The following NCOA2 variants were observed in gnomAD, a reference collection of about 807,000 sequenced individuals.
The protein encoded by NCOA2 is class E basic helix-loop-helix protein 75.
In NCOA2, 21 loss-of-function variants were observed where a neutral mutation model predicts 145.1. That is an observed-to-expected ratio of 0.14 (90% CI 0.10 to 0.21). The LOEUF is 0.21. Among genes scored for constraint, NCOA2 ranks in the 10% least tolerant of loss-of-function variants. The pLI, the probability that NCOA2 is intolerant of heterozygous loss-of-function variation, is 1.00. For synonymous variants in NCOA2, 619 were observed against 637.5 expected (o/e 0.97, Z 0.44); for missense variants, 1,472 against 1,837.6 (o/e 0.80, Z 3.64).
chr8:70,394,101 C>T (rs1813446939), intron 1 of NCOA2, among the ~76,000 whole-genome samples: 1 of 152,236 alleles, frequency 6.6e-6, no homozygotes, highest in African/African-American at 2.4e-5. Context: ...CACTAGGTTT[C>T]ATGACGTACT....
intron 1 of NCOA2, among the ~76,000 whole-genome samples, chr8:70,333,525 C>T (rs978781552): frequency 2.2e-4 from 34 of 152,332 alleles, no homozygotes; most frequent in African/African-American, 7.7e-4. Context: ...CTCTTTCACA[C>T]TCTGTTGGGC....
At chr8:70,381,545 G>A (rs1473737406) in intron 1 of NCOA2, among the ~76,000 whole-genome samples, 1 of 152,140 alleles carries the variant, frequency 6.6e-6, no homozygotes, top group Non-Finnish European at 1.5e-5. Flanking sequence ...TATTAATCAT[G>A]GAAAAGTATG....
At chr8:70,410,417 A>T in the NCOA2 span, among the ~76,000 whole-genome samples, 1 of 152,158 alleles carries the variant, frequency 6.6e-6, no homozygotes, top group Non-Finnish European at 1.5e-5. Context: ...ATTGTATAGA[A>T]CATTAATAAT....
At chr8:70,337,861 A>G (rs901922339) in intron 1 of NCOA2, among the ~76,000 whole-genome samples, 1 of 152,222 alleles carries the variant, frequency 6.6e-6, no homozygotes, top group Non-Finnish European at 1.5e-5. Context: ...AAATAATGAA[A>G]TTAAGGCAGA....
At chr8:70,317,650 T>C (rs185058385) in intron 1 of NCOA2, among the ~76,000 whole-genome samples, 33 of 152,190 alleles carry the variant, frequency 2.2e-4, no homozygotes, top group Non-Finnish European at 1.2e-4. Flanking sequence ...AGAATTACAA[T>C]GGCCATTACA....
the NCOA2 span, among the ~76,000 whole-genome samples, chr8:70,428,031 G>A: frequency 1.3e-5 from 2 of 151,760 alleles, no homozygotes; most frequent in Middle Eastern, 3.4e-3. Context: ...TTAAAATTTT[G>A]AATAAAATAT....
chr8:70,293,596 T>G (rs1429265919), intron 2 of NCOA2, among the ~76,000 whole-genome samples: 9 of 152,234 alleles, frequency 5.9e-5, no homozygotes, highest in African/African-American at 1.9e-4. Context: ...CACCCTATCC[T>G]CCCACCCAAA....
intron 6 of NCOA2, among the ~76,000 whole-genome samples, chr8:70,169,061 C>T (rs887992315): frequency 6.6e-6 from 1 of 152,252 alleles, no homozygotes; most frequent in East Asian, 1.9e-4. Context: ...ATCTTAAGAA[C>T]AGAAGTACTT....
chr8:70,351,175 G>A (rs2130817789), intron 1 of NCOA2, among the ~76,000 whole-genome samples: 1 of 152,226 alleles, frequency 6.6e-6, no homozygotes, highest in East Asian at 1.9e-4. Context: ...TGTCACAATG[G>A]CAATTAAATT....
chr8:70,196,727 G>A (rs1320633551), intron 4 of NCOA2, among the ~76,000 whole-genome samples: 2 of 152,040 alleles, frequency 1.3e-5, no homozygotes, highest in East Asian at 3.8e-4. Flanking sequence ...TTTTTATTTT[G>A]AATGTGTTGC....
chr8:70,140,207 C>T (rs909989365), intron 14 of NCOA2, among the ~76,000 whole-genome samples: 2 of 152,134 alleles, frequency 1.3e-5, no homozygotes, highest in South Asian at 2.1e-4. Flanking sequence ...GACTTCAGAA[C>T]GCTTTCATTC....
At chr8:70,442,236 G>A in the NCOA2 span, among the ~76,000 whole-genome samples, 1 of 152,150 alleles carries the variant, frequency 6.6e-6, no homozygotes, top group Non-Finnish European at 1.5e-5. Flanking sequence ...CACAGGTAAT[G>A]TTCCCATTAA....
intron 2 of NCOA2, among the ~76,000 whole-genome samples, chr8:70,274,704 A>G (rs1825337442): frequency 1.3e-5 from 2 of 152,200 alleles, no homozygotes; most frequent in African/African-American, 4.8e-5. Context: ...TTCTTCCAAA[A>G]TAACTCCGAA....
At chr8:70,288,995 T>C (rs1826462713) in intron 2 of NCOA2, among the ~76,000 whole-genome samples, 1 of 152,240 alleles carries the variant, frequency 6.6e-6, no homozygotes, top group Non-Finnish European at 1.5e-5. Context: ...TCTACTGTTT[T>C]ATATTAATAA....
intron 1 of NCOA2, among the ~76,000 whole-genome samples, chr8:70,352,475 T>C (rs551842631): frequency 1.3e-5 from 2 of 152,320 alleles, no homozygotes; most frequent in Non-Finnish European, 2.9e-5. Flanking sequence ...GTTAAAGTTC[T>C]ACCAATTTTC....
chr8:70,252,326 G>A (rs1823258894), intron 2 of NCOA2, among the ~76,000 whole-genome samples: 1 of 152,188 alleles, frequency 6.6e-6, no homozygotes, highest in Non-Finnish European at 1.5e-5. Context: ...TGTAATCCCA[G>A]CATTTTGGGA....
chr8:70,390,536 G>C (rs1301029940), intron 1 of NCOA2, among the ~76,000 whole-genome samples: 1 of 151,832 alleles, frequency 6.6e-6, no homozygotes, highest in African/African-American at 2.4e-5. Context: ...GGAGGCCAAG[G>C]CACAAGGATC....
intron 2 of NCOA2, among the ~76,000 whole-genome samples, chr8:70,244,138 G>C (rs1022640859): frequency 2.0e-5 from 3 of 151,916 alleles, no homozygotes; most frequent in Non-Finnish European, 2.9e-5. Context: ...TTTCAAAAGG[G>C]AACTGTATAC....
chr8:70,351,346 C>T (rs186992418), intron 1 of NCOA2, among the ~76,000 whole-genome samples: 1 of 152,280 alleles, frequency 6.6e-6, no homozygotes, highest in African/African-American at 2.4e-5. Context: ...TGAGTGAACA[C>T]CATTTTATCA....
Sources: allele counts gnomAD v4.1 joint callset (sites outside exome capture counted in the v4.1 genomes callset), GRCh38; gene constraint gnomAD v4.1.1; transcripts MANE v1.5; gene names NCBI Gene and HGNC (gene_info 2026-07-23, HGNC 2026-07-21).